Variants in PRKN observed in about 807,000 individuals in gnomAD.
PRKN encodes the protein parkin RBR E3 ubiquitin protein ligase, also known as E3 ubiquitin-protein ligase parkin.
PRKN carries 56 observed loss-of-function variants against 59.5 expected under a neutral mutation model. That is an observed-to-expected ratio of 0.94 (90% CI 0.76 to 1.18). PRKN has a LOEUF of 1.18. Among genes scored for constraint, PRKN ranks in the 50% most tolerant of loss-of-function variants. The pLI, the probability that PRKN is intolerant of heterozygous loss-of-function variation, is 0.00. For missense variants in PRKN, 657 were observed against 596.4 expected, an observed-to-expected ratio of 1.10 and a Z score of -1.06; for synonymous variants, 250 against 222.1, an observed-to-expected ratio of 1.13 and a Z score of -1.12.
chr6:162,660,321 C>T lies in PRKN; in HGVS notation c.7+67341G>A, dbSNP rs142509140. Among the ~76,000 whole-genome samples the T allele has an allele frequency of 3.1e-3, 466 of 152,214 alleles. 3 individuals carry two copies. The highest frequency in any genetic ancestry group is 0.011 in the African/African-American group (439 of 41,530). The stretch of plus-strand genomic sequence containing the variant: ...TCTTGCTAAATGATTCAGTCCAGCT[C>T]CTTATGAAAGCATGCAAGAGGCTCA... On this transcript the variant is annotated intron_variant, in intron 1 of 11. Transcript: ENST00000366898.
At chr6:161,893,314 A>G (rs1024598943) in intron 6 of PRKN, among the ~76,000 whole-genome samples, 1 of 152,218 alleles carries the variant, frequency 6.6e-6, no homozygotes, top group Non-Finnish European at 1.5e-5. Flanking sequence ...GAATACTAAC[A>G]TATCAGTAAT....
intron 6 of PRKN, among the ~76,000 whole-genome samples, chr6:161,897,208 A>G (rs946754629): frequency 2.6e-5 from 4 of 152,170 alleles, no homozygotes; most frequent in African/African-American, 7.2e-5. Flanking sequence ...ATTCATTCCT[A>G]ACTGCAGCCT....
At chr6:162,673,530 C>T (rs893944510) in intron 1 of PRKN, among the ~76,000 whole-genome samples, 1 of 152,118 alleles carries the variant, frequency 6.6e-6, no homozygotes, top group Non-Finnish European at 1.5e-5. Context: ...GAACTACAGG[C>T]GCACACCATC....
At chr6:162,331,335 A>G (rs887135589) in intron 2 of PRKN, among the ~76,000 whole-genome samples, 3 of 152,144 alleles carry the variant, frequency 2.0e-5, no homozygotes, top group Admixed American at 1.3e-4. Flanking sequence ...TCAACCATCA[A>G]TCCTAAACAG....
chr6:162,470,047 T>A (rs1363359616), intron 1 of PRKN, among the ~76,000 whole-genome samples: 2 of 152,030 alleles, frequency 1.3e-5, no homozygotes, highest in Middle Eastern at 3.2e-3. Context: ...TGATTCACCA[T>A]AAAAAGGCCT....
chr6:161,596,303 T>C (rs1781911465), intron 7 of PRKN, among the ~76,000 whole-genome samples: 1 of 150,688 alleles, frequency 6.6e-6, no homozygotes, highest in South Asian at 2.1e-4. Flanking sequence ...GGTTGGAGGT[T>C]AAAAAAAAAC....
At chr6:162,504,052 G>A (rs1793499461) in intron 1 of PRKN, among the ~76,000 whole-genome samples, 3 of 145,424 alleles carry the variant, frequency 2.1e-5, no homozygotes, top group Non-Finnish European at 4.6e-5. Flanking sequence ...CTACTGGAAA[G>A]AGAGACAGAG....
intron 6 of PRKN, among the ~76,000 whole-genome samples, chr6:161,842,089 C>T (rs757159822): frequency 2.4e-4 from 36 of 152,124 alleles, no homozygotes; most frequent in African/African-American, 8.7e-4. Flanking sequence ...ATGTAAGGAG[C>T]ACACTCGGCT....
At chr6:162,507,097 T>C (rs535570608) in intron 1 of PRKN, among the ~76,000 whole-genome samples, 1 of 152,296 alleles carries the variant, frequency 6.6e-6, no homozygotes, top group East Asian at 1.9e-4. Context: ...CAACATACAA[T>C]GATCTGGAAG....
chr6:162,597,222 GCTTC>G (rs1190375471), intron 1 of PRKN, among the ~76,000 whole-genome samples: 1 of 152,038 alleles, frequency 6.6e-6, no homozygotes, highest in Non-Finnish European at 1.5e-5. Context: ...GTTAGGCAAT[GCTTC>G]CTTATTTTTT....
intron 1 of PRKN, among the ~76,000 whole-genome samples, chr6:162,483,279 A>C (rs188426025): frequency 3.1e-3 from 474 of 152,288 alleles, no homozygotes; most frequent in Non-Finnish European, 4.3e-3. Context: ...ACACCTGTGA[A>C]GGAAGCGGGG....
chr6:162,650,466 C>T (rs1365612264), intron 1 of PRKN, among the ~76,000 whole-genome samples: 3 of 150,646 alleles, frequency 2.0e-5, no homozygotes, highest in East Asian at 2.0e-4. Flanking sequence ...GGCGTAGTGG[C>T]GGGCGCCTGT....
At chr6:162,727,622 G>C in intron 1 of PRKN, 40 bp downstream of exon 1, 1 of 1,572,646 alleles carries the variant, frequency 6.4e-7, no homozygotes. Flanking sequence ...CGGGGCGTGG[G>C]GCGGCGCAGA....
In PRKN at chr6:161,447,075, A is replaced by G. The variant is rs1017620473; in HGVS notation, c.1084-60198T>C. On this transcript the variant is annotated intron_variant, in intron 9 of 11. Coordinates refer to ENST00000366898, the MANE Select transcript of PRKN (RefSeq NM_004562.3). The surrounding 1 kb of genome is among the most constrained non-coding windows in gnomAD (Gnocchi z 4.1). ...ATCTTTAAGGAAAGAAGTCAATACA[A>G]GGAAAATATCCTTTTTTAATCCCAT... Among the ~76,000 whole-genome samples, 1 of 152,220 alleles carries G rather than the reference A, an allele frequency of 6.6e-6. No individual in the cohort carries two copies. The highest frequency in any genetic ancestry group is 2.4e-5 in the African/African-American group (1 of 41,446).
intron 7 of PRKN, among the ~76,000 whole-genome samples, chr6:161,700,560 C>A (rs888029870): frequency 6.6e-6 from 1 of 152,170 alleles, no homozygotes; most frequent in Non-Finnish European, 1.5e-5. Flanking sequence ...GAGGCTACAA[C>A]TTCCCCATTT....
intron 3 of PRKN, among the ~76,000 whole-genome samples, chr6:162,239,434 C>G (rs1305124086): frequency 6.6e-6 from 1 of 152,086 alleles, no homozygotes; most frequent in Non-Finnish European, 1.5e-5. Context: ...GTAAAGGTTT[C>G]ATTTTTTCCA....
intron 4 of PRKN, among the ~76,000 whole-genome samples, chr6:162,091,432 C>T (rs116605315): frequency 6.6e-6 from 1 of 152,142 alleles, no homozygotes; most frequent in Non-Finnish European, 1.5e-5. Context: ...ATCAGACTTA[C>T]AAACATCACC....
At chr6:162,393,190 C>A (rs531934241) in intron 2 of PRKN, among the ~76,000 whole-genome samples, 1 of 74,110 alleles carries the variant, frequency 1.3e-5, no homozygotes, top group Non-Finnish European at 2.5e-5. Context: ...GACAGAGTCT[C>A]GCTCTGTTGC....
In PRKN at chr6:161,372,953, A is replaced by G. The variant is rs1049716340; in HGVS notation, c.1168-12748T>C. 6.6e-6 allele frequency among the ~76,000 whole-genome samples: 1 copy of G among 151,232 alleles called. No homozygotes were observed. Among genetic ancestry groups the G allele is most frequent in the Non-Finnish European group, 1.5e-5 (1 of 67,936 alleles). On this transcript the variant is annotated intron_variant, in intron 10 of 11. Coordinates refer to ENST00000366898, the MANE Select transcript of PRKN (RefSeq NM_004562.3). This position sits in a 1 kb window ranked among gnomAD's most constrained non-coding sequence, Gnocchi z 4.2. ...CTCGAGTAGCTGGGACTACAGGCAC[A>G]TGCTTCTGTCCTCTGCTGATCTTTA...
Sources: gnomAD v4.1 joint callset for allele counts (sites outside exome capture counted in the v4.1 genomes callset) on GRCh38, gnomAD v4.1.1 for gene constraint, Gnocchi (gnomAD v3.1) non-coding constraint, MANE v1.5 for transcripts, NCBI Gene and HGNC (gene_info 2026-07-23, HGNC 2026-07-21) for gene names.